Variants in CAPZB observed in about 807,000 individuals in gnomAD.
The protein encoded by CAPZB is capping actin protein of muscle Z-line subunit beta, also known as F-actin-capping protein subunit beta.
Under a neutral mutation model 38.1 loss-of-function variants are expected in CAPZB, and 2 were observed. That is an observed-to-expected ratio of 0.05 (90% confidence interval 0.02 to 0.17). The LOEUF (loss-of-function observed/expected upper bound fraction) is 0.17, where lower values mean the gene tolerates loss of function less well. Among genes scored for constraint, CAPZB ranks in the 10% least tolerant of loss-of-function variants. The pLI is 1.00. For missense variants in CAPZB, 161 were observed against 334.2 expected, an observed-to-expected ratio of 0.48 and a Z score of 4.04; for synonymous variants, 107 against 127.4, an observed-to-expected ratio of 0.84 and a Z score of 1.08.
chr1:19,339,516 C>A lies in CAPZB; in HGVS notation c.*14G>T. On this transcript the variant is annotated 3_prime_UTR_variant, in exon 9 of 9. Coordinates refer to ENST00000264202, the MANE Select transcript of CAPZB (RefSeq NM_004930.5). ...ACGAGTGCACGGCGTGTCTGGTTAG[C>A]ATGAAACAGAGGTTTAGCATTGCTG... 6.3e-7 allele frequency: 1 copy of A among 1,592,460 alleles called. No individual in the cohort carries two copies. The highest frequency in any genetic ancestry group is 2.2e-5 in the East Asian group (1 of 44,776).
chr1:19,353,821 A>C (rs1162733625), intron 6 of CAPZB, among the ~76,000 whole-genome samples: 1 of 152,222 alleles, frequency 6.6e-6, no homozygotes, highest in Non-Finnish European at 1.5e-5. Context: ...AGGGGCCCAG[A>C]GGGCAGCGCT....
At chr1:19,377,833 C>T (rs945855819) in intron 4 of CAPZB, among the ~76,000 whole-genome samples, 9 of 152,196 alleles carry the variant, frequency 5.9e-5, no homozygotes, top group African/African-American at 1.7e-4. Flanking sequence ...CAGGATTAGA[C>T]GGAGCAGGAA....
At chr1:19,400,652 G>C (rs1408746581) in intron 2 of CAPZB, among the ~76,000 whole-genome samples, 1 of 152,160 alleles carries the variant, frequency 6.6e-6, no homozygotes, top group East Asian at 1.9e-4. Flanking sequence ...AACTTAAAGT[G>C]AGAGTCTTCA....
chr1:19,366,954 C>T (rs921908335), intron 4 of CAPZB, among the ~76,000 whole-genome samples: 1 of 152,240 alleles, frequency 6.6e-6, no homozygotes, highest in South Asian at 2.1e-4. Flanking sequence ...CAATCCAACT[C>T]CACCTCAGGA....
At chr1:19,429,814 C>T (rs2094436345) in intron 1 of CAPZB, among the ~76,000 whole-genome samples, 1 of 152,088 alleles carries the variant, frequency 6.6e-6, no homozygotes, top group African/African-American at 2.4e-5. Flanking sequence ...ATTAAGCACC[C>T]ACAAAGGAGG....
chr1:19,413,427 G>C (rs1011537450), intron 2 of CAPZB, among the ~76,000 whole-genome samples: 2 of 152,200 alleles, frequency 1.3e-5, no homozygotes, highest in Non-Finnish European at 2.9e-5. Flanking sequence ...TTGACCTCCT[G>C]GGCTCAAGTG....
chr1:19,344,498 T>A (rs2093950128), intron 7 of CAPZB, 64 bp from the exon 8 acceptor site: 1 of 1,265,964 alleles, frequency 7.9e-7, no homozygotes, highest in Admixed American at 1.7e-5. Flanking sequence ...ACGCCCTCCC[T>A]CCACCTGCCA....
At chr1:19,402,519 C>T (rs1429449035) in intron 2 of CAPZB, among the ~76,000 whole-genome samples, 1 of 152,172 alleles carries the variant, frequency 6.6e-6, no homozygotes, top group East Asian at 1.9e-4. Flanking sequence ...GTAAGGGACC[C>T]ATGTGGCCTG....
intron 4 of CAPZB, among the ~76,000 whole-genome samples, chr1:19,359,149 T>C (rs1333942357): frequency 1.3e-5 from 2 of 150,116 alleles, no homozygotes; most frequent in African/African-American, 4.9e-5. Flanking sequence ...AAAGCTATTA[T>C]ATAACAAAAA....
chr1:19,417,142 T>C (rs529771951), intron 2 of CAPZB, among the ~76,000 whole-genome samples: 17 of 152,208 alleles, frequency 1.1e-4, no homozygotes, highest in African/African-American at 3.6e-4. Flanking sequence ...CAGGTTTTCA[T>C]AAAAGCAGCT....
chr1:19,366,283 A>AATATATATATATATATGTATATATATAT, intron 4 of CAPZB, among the ~76,000 whole-genome samples: 1 of 60,504 alleles, frequency 1.7e-5, no homozygotes, highest in East Asian at 4.5e-4. Flanking sequence ...CGTGTCTTAA[A>AATATATATATATATATGTATATATATAT]ATATATATAT....
chr1:19,390,619 G>T (rs984771507), intron 2 of CAPZB, among the ~76,000 whole-genome samples: 1 of 152,114 alleles, frequency 6.6e-6, no homozygotes, highest in Non-Finnish European at 1.5e-5. Context: ...GGGAGCAGGA[G>T]CCACAAGTCC....
intron 1 of CAPZB, among the ~76,000 whole-genome samples, chr1:19,440,238 A>G (rs1411971053): frequency 2.0e-5 from 3 of 152,066 alleles, no homozygotes; most frequent in African/African-American, 4.8e-5. Flanking sequence ...GGGTTTCACC[A>G]TGTTACCCGG....
intron 1 of CAPZB, among the ~76,000 whole-genome samples, chr1:19,464,289 A>ATTTT (rs891453430): frequency 2.3e-5 from 3 of 132,554 alleles, no homozygotes; most frequent in Non-Finnish European, 3.2e-5. Flanking sequence ...ATCTCTGAAG[A>ATTTT]TTTTTTTTTT....
chr1:19,463,503 A>C (rs2094558889), intron 1 of CAPZB, among the ~76,000 whole-genome samples: 1 of 152,134 alleles, frequency 6.6e-6, no homozygotes, highest in African/African-American at 2.4e-5. Context: ...ATACCAAAAT[A>C]CTCTATGACC....
At chr1:19,416,793 G>A (rs1041399892) in intron 2 of CAPZB, among the ~76,000 whole-genome samples, 16 of 145,088 alleles carry the variant, frequency 1.1e-4, no homozygotes, top group Non-Finnish European at 1.6e-4. Flanking sequence ...CAGGAGTTTA[G>A]GAGGCTGCAT....
chr1:19,345,400 TG>T, intron 6 of CAPZB, 148 bp from the exon 7 acceptor site: 1 of 671,130 alleles, frequency 1.5e-6, no homozygotes. Context: ...TTTTGCAGCC[TG>T]GGAACTGAAG....
At chr1:19,340,201 A>G (rs1426956618) in intron 8 of CAPZB, among the ~76,000 whole-genome samples, 1 of 152,216 alleles carries the variant, frequency 6.6e-6, no homozygotes, top group African/African-American at 2.4e-5. Context: ...GGTAAGAACC[A>G]GTGTCTCTGC....
At chr1:19,399,012 A>G (rs1321118108) in intron 2 of CAPZB, among the ~76,000 whole-genome samples, 1 of 151,712 alleles carries the variant, frequency 6.6e-6, no homozygotes, top group Non-Finnish European at 1.5e-5. Context: ...GCTTGCCACC[A>G]TGCTTGGCTA....
Sources: gnomAD v4.1 joint callset for allele counts (sites outside exome capture counted in the v4.1 genomes callset) on GRCh38, gnomAD v4.1.1 for gene constraint, MANE v1.5 for transcripts, NCBI Gene and HGNC (gene_info 2026-07-23, HGNC 2026-07-21) for gene names.